The following GALNT18 variants were observed in gnomAD, a reference collection of about 807,000 sequenced individuals.
GALNT18 encodes polypeptide N-acetylgalactosaminyltransferase 18.
Under a neutral mutation model 69.5 loss-of-function variants are expected in GALNT18, and 44 were observed. That is an observed-to-expected ratio of 0.63 (90% CI 0.50 to 0.81). The LOEUF (loss-of-function observed/expected upper bound fraction) is 0.81, where lower values mean the gene tolerates loss of function less well. Among genes scored for constraint, GALNT18 ranks in the 40% least tolerant of loss-of-function variants. The pLI is 0.00. For missense variants in GALNT18, 715 were observed against 810.0 expected (o/e 0.88, Z 1.42); for synonymous variants, 364 against 318.2 (o/e 1.14, Z -1.53).
At chr11:11,323,994 T>G (rs1401519543) in intron 9 of GALNT18, among the ~76,000 whole-genome samples, 1 of 152,208 alleles carries the variant, frequency 6.6e-6, no homozygotes. Context: ...AGCCCTGACC[T>G]GATAGGATTA....
rs867751917 is a variant in GALNT18 at position 11,541,695 on chromosome 11, C to T, written c.235+79664G>A. On this transcript the variant is annotated intron_variant, in intron 1 of 10. Transcript: ENST00000227756. This position sits in a 1 kb window ranked among gnomAD's most constrained non-coding sequence, Gnocchi z 4.8. ...AGTAAGGCCCCCTTCCCAGCCCCCA[C>T]ACCTCTATTGCCCCAAAGCGTCGCT... Among the ~76,000 whole-genome samples the T allele has an allele frequency of 4.5e-4, 68 of 152,262 alleles. No individual in the cohort carries two copies. Among genetic ancestry groups the T allele is most frequent in the African/African-American group, 1.5e-3 (64 of 41,542 alleles).
intron 1 of GALNT18, among the ~76,000 whole-genome samples, chr11:11,536,392 C>A (rs1368650618): frequency 1.3e-5 from 2 of 152,168 alleles, no homozygotes; most frequent in African/African-American, 4.8e-5. Context: ...TCTGTCTGCT[C>A]TAAAGCCCCA....
chr11:11,567,679 T>C (rs941790108), intron 1 of GALNT18, among the ~76,000 whole-genome samples: 3 of 152,154 alleles, frequency 2.0e-5, no homozygotes, highest in Non-Finnish European at 4.4e-5. Context: ...TATCCTCTTA[T>C]GGAGGAGAAA....
At chr11:11,425,114 T>G (rs1338979221) in intron 3 of GALNT18, among the ~76,000 whole-genome samples, 1 of 152,248 alleles carries the variant, frequency 6.6e-6, no homozygotes, top group Non-Finnish European at 1.5e-5. Context: ...ATTAATTGGC[T>G]GACCTTGGGT....
At chr11:11,350,943 G>A (rs1252625000) in intron 6 of GALNT18, among the ~76,000 whole-genome samples, 1 of 152,156 alleles carries the variant, frequency 6.6e-6, no homozygotes, top group Admixed American at 6.5e-5. Flanking sequence ...GCAGTTCTGA[G>A]AGCTGCTGTT....
At chr11:11,474,654 A>G (rs192296327) in intron 1 of GALNT18, among the ~76,000 whole-genome samples, 1 of 152,220 alleles carries the variant, frequency 6.6e-6, no homozygotes, top group Admixed American at 6.5e-5. Context: ...ACTGGGCTTT[A>G]AAGTTAAGTA....
chr11:11,377,338 C>T lies in GALNT18; in HGVS notation c.821G>A (p.Arg274Gln), dbSNP rs201734768. 1.6e-5 allele frequency: 26 copies of T among 1,613,760 alleles called. No individual in the cohort carries two copies. Among genetic ancestry groups the T allele is most frequent in the Admixed American group, 5.0e-5 (3 of 60,000 alleles). ...VLTRIKENRK[R>Q]IISPSFDNIK... ...GTTATCAAAGGATGGCGAGATGATC[C>T]GCTTCCGGTTCTCCTTGATGCGGGT... Residue 274 changes from arginine (R) to glutamine (Q), a missense_variant, in exon 5 of 11, where the codon CGG (arginine) becomes CAG (glutamine). Transcript: ENST00000227756. This position sits in a 1 kb window ranked among gnomAD's most constrained non-coding sequence, Gnocchi z 4.6.
intron 1 of GALNT18, among the ~76,000 whole-genome samples, chr11:11,462,614 C>A (rs1421971011): frequency 6.6e-6 from 1 of 152,042 alleles, no homozygotes; most frequent in South Asian, 2.1e-4. Context: ...TTAGGCTGCC[C>A]TTTTCTCATC....
intron 6 of GALNT18, among the ~76,000 whole-genome samples, chr11:11,365,021 T>A (rs1269086576): frequency 6.0e-3 from 1 of 166 alleles, no homozygotes; most frequent in African/African-American, 0.017. Flanking sequence ...TTTCCTTAAT[T>A]TTTTTTTCAT....
At chr11:11,422,669 GTTGGTAGTTT>G (rs1285206281) in intron 3 of GALNT18, among the ~76,000 whole-genome samples, 1 of 150,726 alleles carries the variant, frequency 6.6e-6, no homozygotes, top group Non-Finnish European at 1.5e-5. Flanking sequence ...ATGCAAAGCT[GTTGGTAGTTT>G]TACAGCCTGG....
In GALNT18 at chr11:11,603,956, AAGGCCATG is replaced by A. The variant is rs1859689673; in HGVS notation, c.235+17395_235+17402del. ...GGAGGTAGGGCCTTTGGGAGGTGAT[AAGGCCATG>A]AGGGTGGACCCTCATGAATGGGATT... On this transcript the variant is annotated intron_variant, in intron 1 of 10. Coordinates refer to ENST00000227756, the MANE Select transcript of GALNT18 (RefSeq NM_198516.3). This position sits in a 1 kb window ranked among gnomAD's most constrained non-coding sequence, Gnocchi z 4.5. Among the ~76,000 whole-genome samples, 1 of 152,182 alleles carries A rather than the reference AAGGCCATG, an allele frequency of 6.6e-6. No individual in the cohort carries two copies. Among genetic ancestry groups the A allele is most frequent in the South Asian group, 2.1e-4 (1 of 4,832 alleles).
intron 9 of GALNT18, among the ~76,000 whole-genome samples, chr11:11,305,966 ACTC>A (rs1300346959): frequency 6.6e-6 from 1 of 151,662 alleles, no homozygotes; most frequent in Non-Finnish European, 1.5e-5. Context: ...TTACTCCAAA[ACTC>A]CTCTAAGCTG....
At chr11:11,289,484 G>A (rs1301069663) in intron 10 of GALNT18, among the ~76,000 whole-genome samples, 1 of 152,218 alleles carries the variant, frequency 6.6e-6, no homozygotes, top group Non-Finnish European at 1.5e-5. Flanking sequence ...GGAATCGTGT[G>A]GGGCTGCCTT....
intron 6 of GALNT18, among the ~76,000 whole-genome samples, chr11:11,367,520 G>A (rs1188484138): frequency 2.0e-5 from 3 of 152,102 alleles, no homozygotes; most frequent in Admixed American, 2.0e-4. Context: ...AATCCAGTCA[G>A]GAGTGATTCA....
At chr11:11,294,676 T>A (rs2133007903) in intron 9 of GALNT18, among the ~76,000 whole-genome samples, 1 of 149,764 alleles carries the variant, frequency 6.7e-6, no homozygotes, top group Non-Finnish European at 1.5e-5. Flanking sequence ...AAAGTAGGAG[T>A]CTCCCATGGG....
At chr11:11,290,914 G>A (rs770403603) in intron 10 of GALNT18, among the ~76,000 whole-genome samples, 35 of 152,072 alleles carry the variant, frequency 2.3e-4, no homozygotes, top group Admixed American at 3.9e-4. Flanking sequence ...TCACCTCCAC[G>A]GAGCCCGGAA....
chr11:11,403,996 G>A (rs183449765), intron 3 of GALNT18, among the ~76,000 whole-genome samples: 16 of 152,222 alleles, frequency 1.1e-4, no homozygotes, highest in Non-Finnish European at 1.9e-4. Context: ...CCCTATTCCA[G>A]AGGAGTCATG....
Position 11,277,799 on chromosome 11 carries a change from A to G in GALNT18, c.1678-6509T>C, listed in dbSNP as rs11820540. ...GGAGCAAGTTGTTCAGTTTCCATGTAATTGTGCAGTTTTGAGGGAGTTTCT... is the reference window on the plus strand; with the variant it reads ...GGAGCAAGTTGTTCAGTTTCCATGTGATTGTGCAGTTTTGAGGGAGTTTCT... On this transcript the variant is annotated intron_variant, in intron 10 of 10. Transcript: ENST00000227756. 2.4e-3 allele frequency among the ~76,000 whole-genome samples: 370 copies of G among 152,276 alleles called. 2 individuals carry two copies. Among genetic ancestry groups the G allele is most frequent in the African/African-American group, 8.5e-3 (355 of 41,532 alleles).
Position 11,396,548 on chromosome 11 carries a change from G to A in GALNT18, c.596-17284C>T, listed in dbSNP as rs1256130724. Among the ~76,000 whole-genome samples, 5 of 152,102 alleles carry A rather than the reference G, an allele frequency of 3.3e-5. No homozygotes were observed. The highest frequency in any genetic ancestry group is 2.0e-4 in the Admixed American group (3 of 15,274). On this transcript the variant is annotated intron_variant, in intron 3 of 10. Transcript: ENST00000227756. This position sits in a 1 kb window ranked among gnomAD's most constrained non-coding sequence, Gnocchi z 5.2. ...TCTACATAGCAACACGGACAGCTTGGTAACAAACAAAGAAAATGGAAGCCA... is the reference window on the plus strand; with the variant it reads ...TCTACATAGCAACACGGACAGCTTGATAACAAACAAAGAAAATGGAAGCCA...
Sources: gnomAD v4.1 joint callset for allele counts (sites outside exome capture counted in the v4.1 genomes callset) on GRCh38, gnomAD v4.1.1 for gene constraint, Gnocchi (gnomAD v3.1) non-coding constraint, MANE v1.5 for transcripts, NCBI Gene and HGNC (gene_info 2026-07-23, HGNC 2026-07-21) for gene names.